Variants in KAZN observed in about 807,000 individuals in gnomAD.
The protein encoded by KAZN is kazrin, periplakin interacting protein.
In KAZN, 40 loss-of-function variants were observed where a neutral mutation model predicts 87.4. The observed-to-expected ratio is 0.46, with a 90% CI of 0.36 to 0.60. The LOEUF is 0.60. KAZN is among the 20% of genes least tolerant of loss of function. KAZN has a pLI of 0.00. For missense variants in KAZN, 898 were observed against 1,073.9 expected (o/e 0.84, Z 2.29); for synonymous variants, 466 against 458.3 (o/e 1.02, Z -0.22).
intron 1 of KAZN, among the ~76,000 whole-genome samples, chr1:14,138,130 A>G (rs1462975374): frequency 6.6e-6 from 1 of 151,592 alleles, no homozygotes; most frequent in Non-Finnish European, 1.5e-5. Flanking sequence ...ATATGTTAAA[A>G]TGCGTTCAGT....
At chr1:14,666,119 C>G (rs1639536330) in intron 1 of KAZN, among the ~76,000 whole-genome samples, 1 of 151,754 alleles carries the variant, frequency 6.6e-6, no homozygotes, top group South Asian at 2.1e-4. Flanking sequence ...GAGGGTCTGC[C>G]GAAAGAATAG....
intron 2 of KAZN, among the ~76,000 whole-genome samples, chr1:14,249,165 A>C (rs72865769): frequency 0.027 from 4,126 of 152,300 alleles, 198 homozygotes; most frequent in African/African-American, 0.093. Flanking sequence ...GACAGGATCC[A>C]TGAGCACCAT....
At chr1:13,939,922 T>C (rs1336942705) in intron 1 of KAZN, among the ~76,000 whole-genome samples, 1 of 152,054 alleles carries the variant, frequency 6.6e-6, no homozygotes, top group East Asian at 1.9e-4. Flanking sequence ...GAGAACTCAC[T>C]ATACTGAGGA....
At position 14,936,531 on chromosome 1, in the gene KAZN, C is replaced by A. The variant is rs894915481; in HGVS notation, c.227-24153C>A. On this transcript the variant is annotated intron_variant, in intron 1 of 14. Transcript: ENST00000376030. Reference sequence around the variant, plus strand: ...CCTGCTCCACTGTGCCAGCCATACTCGGCTACTTTTGCCATATAGAAAGGG... The same window carrying A: ...CCTGCTCCACTGTGCCAGCCATACTAGGCTACTTTTGCCATATAGAAAGGG... Among the ~76,000 whole-genome samples the A allele has an allele frequency of 2.6e-5, 4 of 152,250 alleles. No homozygotes were observed. The East Asian group carries it at 7.7e-4, about 29-fold the overall frequency.
At chr1:14,030,607 AAG>A (rs149716255) in intron 1 of KAZN, among the ~76,000 whole-genome samples, 2 of 150,360 alleles carry the variant, frequency 1.3e-5, no homozygotes, top group African/African-American at 2.5e-5. Flanking sequence ...ATGTGAAAGA[AAG>A]AGAAAAAATT....
intron 5 of KAZN, among the ~76,000 whole-genome samples, chr1:15,058,930 G>C (rs1183220524): frequency 1.3e-5 from 2 of 151,996 alleles, no homozygotes; most frequent in African/African-American, 2.4e-5. Context: ...GCTGAGGCAG[G>C]AGAATCACTT....
chr1:13,964,977 T>G (rs1166380108), intron 1 of KAZN, among the ~76,000 whole-genome samples: 1 of 151,940 alleles, frequency 6.6e-6, no homozygotes, highest in African/African-American at 2.4e-5. Flanking sequence ...GGGTGCCAGG[T>G]GGAGGGCATG....
At chr1:14,583,312 A>T (rs1675664684) in intron 2 of KAZN, among the ~76,000 whole-genome samples, 1 of 152,156 alleles carries the variant, frequency 6.6e-6, no homozygotes, top group Non-Finnish European at 1.5e-5. Flanking sequence ...AAATGAGTGA[A>T]TAAGTACAAG....
At chr1:14,068,501 G>T (rs956777336) in intron 1 of KAZN, among the ~76,000 whole-genome samples, 5 of 152,054 alleles carry the variant, frequency 3.3e-5, no homozygotes, top group Admixed American at 3.3e-4. Context: ...CCAGGGATAT[G>T]CATTAAAAAA....
intron 1 of KAZN, among the ~76,000 whole-genome samples, chr1:14,797,385 A>G (rs1222478333): frequency 1.3e-5 from 2 of 152,226 alleles, no homozygotes; most frequent in East Asian, 1.9e-4. Flanking sequence ...TAATTTAACT[A>G]TGTTTTGTCC....
At chr1:13,986,777 G>A (rs557608011) in intron 1 of KAZN, among the ~76,000 whole-genome samples, 2 of 152,264 alleles carry the variant, frequency 1.3e-5, no homozygotes, top group East Asian at 3.9e-4. Flanking sequence ...TCTCTATAGA[G>A]GAAGGAGAAA....
intron 2 of KAZN, among the ~76,000 whole-genome samples, chr1:14,328,130 A>T (rs187649077): frequency 6.6e-6 from 1 of 152,346 alleles, no homozygotes; most frequent in East Asian, 1.9e-4. Context: ...ATGGAGTAAT[A>T]ATTTAAGCCT....
intron 1 of KAZN, among the ~76,000 whole-genome samples, chr1:13,941,521 A>AT (rs1276012745): frequency 6.6e-6 from 1 of 152,102 alleles, no homozygotes. Flanking sequence ...AGGGGTGGTG[A>AT]TTTTTTGGCG....
intron 2 of KAZN, among the ~76,000 whole-genome samples, chr1:14,215,681 C>G (rs1247553476): frequency 6.6e-6 from 1 of 152,142 alleles, no homozygotes; most frequent in African/African-American, 2.4e-5. Flanking sequence ...CTTTGCTTTT[C>G]AGGTAAAGAA....
chr1:14,861,511 T>C (rs1465882132), intron 1 of KAZN, among the ~76,000 whole-genome samples: 1 of 152,258 alleles, frequency 6.6e-6, no homozygotes, highest in African/African-American at 2.4e-5. Flanking sequence ...GTTTCTCCAC[T>C]AATGTTTGTT....
chr1:14,631,326 T>G (rs945512737), intron 1 of KAZN, among the ~76,000 whole-genome samples: 3 of 152,216 alleles, frequency 2.0e-5, no homozygotes, highest in Non-Finnish European at 4.4e-5. Flanking sequence ...TGAGCCTGGA[T>G]CAAGCCCCCA....
At chr1:14,426,855 G>A (rs1419938720) in intron 2 of KAZN, among the ~76,000 whole-genome samples, 3 of 152,206 alleles carry the variant, frequency 2.0e-5, no homozygotes, top group African/African-American at 7.2e-5. Flanking sequence ...TTCAGGGACT[G>A]CTGCTCTGAG....
At position 14,013,570 on chromosome 1, in the gene KAZN, G is replaced by A. The variant is rs536020622; in HGVS notation, c.91+119814G>A. 2.6e-5 allele frequency among the ~76,000 whole-genome samples: 4 copies of A among 152,288 alleles called. No individual in the cohort carries two copies. In the South Asian group the frequency reaches 6.2e-4, roughly 24 times the overall value. On this transcript the variant is annotated intron_variant, in intron 1 of 16. Coordinates refer to the KAZN transcript ENST00000636203. Reference sequence around the variant, plus strand: ...ATAGCCTCAAACTCCATAATCATGGGATTCGTGCTGTATCTCAGAGAAAGG... The same window carrying A: ...ATAGCCTCAAACTCCATAATCATGGAATTCGTGCTGTATCTCAGAGAAAGG...
intron 1 of KAZN, among the ~76,000 whole-genome samples, chr1:14,705,219 A>C (rs963801596): frequency 6.6e-6 from 1 of 152,246 alleles, no homozygotes; most frequent in Admixed American, 6.5e-5. Flanking sequence ...TCCTCTACTT[A>C]TTAGGACATC....
Sources: allele counts gnomAD v4.1 joint callset (sites outside exome capture counted in the v4.1 genomes callset), GRCh38; gene constraint gnomAD v4.1.1; transcripts MANE v1.5; gene names NCBI Gene and HGNC (gene_info 2026-07-23, HGNC 2026-07-21).